Variants in RABGAP1L observed in about 807,000 individuals in gnomAD.
The protein encoded by RABGAP1L is rab GTPase-activating protein 1-like.
RABGAP1L carries 63 observed loss-of-function variants against 137.7 expected under a neutral mutation model. The observed-to-expected ratio is 0.46, with a 90% CI of 0.37 to 0.56. The LOEUF (loss-of-function observed/expected upper bound fraction) is 0.56, where lower values mean the gene tolerates loss of function less well. Among genes scored for constraint, RABGAP1L ranks in the 20% least tolerant of loss-of-function variants. The probability of loss-of-function intolerance (pLI) is 0.00; values close to 1 mark genes in which losing one functional copy is unlikely to be tolerated. For synonymous variants in RABGAP1L, 431 were observed against 433.7 expected (o/e 0.99, Z 0.08); for missense variants, 1,095 against 1,244.0 (o/e 0.88, Z 1.80).
At position 174,437,531 on chromosome 1, in the gene RABGAP1L, A is replaced by C. The variant is rs1423782118; in HGVS notation, c.1710+43386A>C. ...AGAAGTTTAGAGAAAAAAGAATAAA[A>C]AGAAATGAACAAAGCCTCCAAGAAA... is the stretch of plus-strand genomic sequence containing the variant. On this transcript the variant is annotated intron_variant, in intron 13 of 25. Transcript: ENST00000681986. 1.4e-4 allele frequency among the ~76,000 whole-genome samples: 21 copies of C among 152,202 alleles called. 1 individual carries two copies. The highest frequency in any genetic ancestry group is 1.4e-3 in the Admixed American group (21 of 15,278).
intron 13 of RABGAP1L, among the ~76,000 whole-genome samples, chr1:174,420,867 G>A (rs1483053252): frequency 6.6e-6 from 1 of 151,906 alleles, no homozygotes; most frequent in East Asian, 1.9e-4. Flanking sequence ...AGTAGAGATG[G>A]GGTTTCACCG....
intron 19 of RABGAP1L, among the ~76,000 whole-genome samples, chr1:174,813,572 G>A (rs1690093996): frequency 6.6e-6 from 1 of 152,156 alleles, no homozygotes. Context: ...GTAAGTAACT[G>A]GGCAGAAAAA....
At chr1:174,726,240 G>T (rs1352372749) in intron 17 of RABGAP1L, among the ~76,000 whole-genome samples, 1 of 151,812 alleles carries the variant, frequency 6.6e-6, no homozygotes, top group Non-Finnish European at 1.5e-5. Context: ...TTTTCATATT[G>T]TGACTTTTGG....
intron 13 of RABGAP1L, among the ~76,000 whole-genome samples, chr1:174,469,568 A>G (rs1055973177): frequency 6.6e-5 from 10 of 152,208 alleles, no homozygotes; most frequent in Non-Finnish European, 1.5e-5. Flanking sequence ...TTTGAGAATC[A>G]TAGTATGAAA....
At chr1:174,976,320 TACTC>T (rs1208673432) in intron 22 of RABGAP1L, 138 bp downstream of exon 22, 3 of 703,380 alleles carry the variant, frequency 4.3e-6, no homozygotes, top group African/African-American at 1.8e-5. Context: ...TGAGTGTACT[TACTC>T]AACATTTTTG....
intron 17 of RABGAP1L, among the ~76,000 whole-genome samples, chr1:174,719,171 A>G (rs1414137098): frequency 6.6e-6 from 1 of 152,218 alleles, no homozygotes; most frequent in Non-Finnish European, 1.5e-5. Context: ...GGCCTTCTTT[A>G]TACCAGTATT....
chr1:174,937,048 C>T (rs1293695434), intron 19 of RABGAP1L, among the ~76,000 whole-genome samples: 1 of 131,596 alleles, frequency 7.6e-6, no homozygotes, highest in Non-Finnish European at 1.5e-5. Context: ...GGTATGATCT[C>T]GGCTCACTGC....
At chr1:174,540,035 G>C (rs1297061599) in intron 13 of RABGAP1L, among the ~76,000 whole-genome samples, 1 of 152,160 alleles carries the variant, frequency 6.6e-6, no homozygotes, top group Non-Finnish European at 1.5e-5. Flanking sequence ...GCATTTCTCT[G>C]ATTGCCAGTG....
At chr1:174,315,643 A>G (rs1183266165) in intron 11 of RABGAP1L, among the ~76,000 whole-genome samples, 2 of 141,002 alleles carry the variant, frequency 1.4e-5, no homozygotes, top group African/African-American at 5.4e-5. Flanking sequence ...TTTTTGAGAC[A>G]TGGTTTTGCC....
chr1:174,861,446 A>G (rs987606578), intron 19 of RABGAP1L, among the ~76,000 whole-genome samples: 6 of 152,188 alleles, frequency 3.9e-5, no homozygotes, highest in Admixed American at 2.0e-4. Flanking sequence ...TCGAGATACT[A>G]TGCTGATTTC....
chr1:174,293,456 T>C (rs1158343106), intron 10 of RABGAP1L, among the ~76,000 whole-genome samples: 1 of 152,220 alleles, frequency 6.6e-6, no homozygotes, highest in Non-Finnish European at 1.5e-5. Context: ...ACATTTGGTA[T>C]TTTCTTGTTA....
chr1:174,801,179 C>G (rs1324588908), intron 18 of RABGAP1L, among the ~76,000 whole-genome samples: 2 of 152,170 alleles, frequency 1.3e-5, no homozygotes, highest in Non-Finnish European at 2.9e-5. Flanking sequence ...ATCGCTGTTG[C>G]AGGCTTGAGA....
At chr1:174,655,465 C>T (rs998735705) in intron 14 of RABGAP1L, among the ~76,000 whole-genome samples, 2 of 152,110 alleles carry the variant, frequency 1.3e-5, no homozygotes, top group African/African-American at 4.8e-5. Flanking sequence ...AGGAACAACA[C>T]GGAAAGAATA....
intron 1 of RABGAP1L, among the ~76,000 whole-genome samples, chr1:174,163,439 T>C (rs184115871): frequency 8.5e-4 from 130 of 152,280 alleles, no homozygotes; most frequent in African/African-American, 2.7e-3. Flanking sequence ...TTGTTATCTT[T>C]TGGTGTTTTT....
At chr1:174,971,918 G>C (rs1670164759) in intron 21 of RABGAP1L, among the ~76,000 whole-genome samples, 1 of 152,164 alleles carries the variant, frequency 6.6e-6, no homozygotes, top group African/African-American at 2.4e-5. Context: ...CACTAATTAG[G>C]AAATTAGGTT....
chr1:174,585,555 A>G (rs1401368069), intron 13 of RABGAP1L, among the ~76,000 whole-genome samples: 2 of 152,262 alleles, frequency 1.3e-5, no homozygotes, highest in African/African-American at 4.8e-5. Context: ...TGAAGAAAGT[A>G]TAGGAAAGTT....
intron 1 of RABGAP1L, among the ~76,000 whole-genome samples, chr1:174,193,266 T>G (rs1667338161): frequency 6.6e-6 from 1 of 152,252 alleles, no homozygotes; most frequent in South Asian, 2.1e-4. Context: ...GCGCGGTGGC[T>G]CACGCCTGTA....
intron 19 of RABGAP1L, among the ~76,000 whole-genome samples, chr1:174,942,915 G>A (rs1666129002): frequency 6.6e-6 from 1 of 152,144 alleles, no homozygotes; most frequent in Admixed American, 6.5e-5. Flanking sequence ...ATAATTATTT[G>A]TAAGCTCCTT....
At chr1:174,554,345 A>G (rs1666740678) in intron 13 of RABGAP1L, among the ~76,000 whole-genome samples, 1 of 152,128 alleles carries the variant, frequency 6.6e-6, no homozygotes, top group Non-Finnish European at 1.5e-5. Flanking sequence ...CCTCCCTTTT[A>G]AAGGAAGTGT....
Sources: gnomAD v4.1 joint callset for allele counts (sites outside exome capture counted in the v4.1 genomes callset) on GRCh38, gnomAD v4.1.1 for gene constraint, MANE v1.5 for transcripts, NCBI Gene and HGNC (gene_info 2026-07-23, HGNC 2026-07-21) for gene names.